MCTP1: variants seen among roughly 807,000 people sequenced by gnomAD.
The protein encoded by MCTP1 is multiple C2 and transmembrane domain-containing protein 1.
In MCTP1, 69 loss-of-function variants were observed where a neutral mutation model predicts 120.6. That is an observed-to-expected ratio of 0.57 (90% CI 0.47 to 0.70). MCTP1 has a LOEUF of 0.70. MCTP1 is among the 30% of genes least tolerant of loss of function. The probability of loss-of-function intolerance (pLI) is 0.00; values close to 1 mark genes in which losing one functional copy is unlikely to be tolerated. For missense variants in MCTP1, 1,203 were observed against 1,248.8 expected, an observed-to-expected ratio of 0.96 and a Z score of 0.55; for synonymous variants, 529 against 493.1, an observed-to-expected ratio of 1.07 and a Z score of -0.96.
intron 1 of MCTP1, among the ~76,000 whole-genome samples, chr5:95,212,233 A>G (rs1318019094): frequency 2.0e-5 from 3 of 152,222 alleles, no homozygotes; most frequent in Admixed American, 6.5e-5. Flanking sequence ...CGAATACTAC[A>G]AACACCTGTA....
At chr5:94,802,908 G>A (rs1319112952) in intron 17 of MCTP1, among the ~76,000 whole-genome samples, 2 of 152,146 alleles carry the variant, frequency 1.3e-5, no homozygotes, top group African/African-American at 4.8e-5. Flanking sequence ...ATGTTACAGT[G>A]CGGTGATAAG....
At chr5:95,206,244 A>G (rs1046294406) in intron 1 of MCTP1, among the ~76,000 whole-genome samples, 2 of 152,200 alleles carry the variant, frequency 1.3e-5, no homozygotes, top group African/African-American at 4.8e-5. Context: ...CCCTGAAAAC[A>G]TCATGCTAAG....
chr5:94,825,129 T>G (rs1289468599), intron 17 of MCTP1, among the ~76,000 whole-genome samples: 2 of 152,218 alleles, frequency 1.3e-5, no homozygotes, highest in Non-Finnish European at 2.9e-5. Context: ...AATTGTGATG[T>G]TAGGGTGTCA....
At chr5:95,192,225 T>C (rs1048670684) in intron 1 of MCTP1, among the ~76,000 whole-genome samples, 1 of 152,036 alleles carries the variant, frequency 6.6e-6, no homozygotes, top group Non-Finnish European at 1.5e-5. Flanking sequence ...AGTAAGTTTT[T>C]TCCAACATGT....
chr5:94,769,903 A>C (rs886620794), intron 19 of MCTP1, among the ~76,000 whole-genome samples: 3 of 152,212 alleles, frequency 2.0e-5, no homozygotes, highest in Non-Finnish European at 2.9e-5. Flanking sequence ...TGTCAACTCT[A>C]CAGATATTCT....
At chr5:95,279,016 A>G (rs1241535751) in intron 1 of MCTP1, among the ~76,000 whole-genome samples, 7 of 152,094 alleles carry the variant, frequency 4.6e-5, no homozygotes, top group Admixed American at 4.6e-4. Context: ...GCCTGCTACG[A>G]TATTATAAAT....
chr5:94,877,225 G>A (rs1799082839), intron 12 of MCTP1, among the ~76,000 whole-genome samples: 1 of 151,944 alleles, frequency 6.6e-6, no homozygotes, highest in South Asian at 2.1e-4. Flanking sequence ...TTACGATGAG[G>A]AATATTTTGC....
intron 2 of MCTP1, among the ~76,000 whole-genome samples, chr5:94,957,331 A>G (rs1435661590): frequency 1.3e-5 from 2 of 152,218 alleles, no homozygotes; most frequent in Non-Finnish European, 2.9e-5. Context: ...TGTAAAGACC[A>G]TTGACAATAT....
At chr5:94,931,308 C>T (rs925698279) in intron 6 of MCTP1, 12 of 152,028 alleles carry the variant, frequency 7.9e-5, no homozygotes, top group Non-Finnish European at 2.9e-5. Flanking sequence ...TGATTTATTT[C>T]AAGGTATATT....
intron 1 of MCTP1, among the ~76,000 whole-genome samples, chr5:95,226,952 C>T (rs1052344721): frequency 6.6e-6 from 1 of 151,952 alleles, no homozygotes; most frequent in Non-Finnish European, 1.5e-5. Context: ...GGATTTTAGG[C>T]CCCTCAAAAA....
At chr5:95,276,192 T>G (rs1004911177) in intron 1 of MCTP1, among the ~76,000 whole-genome samples, 2 of 151,692 alleles carry the variant, frequency 1.3e-5, no homozygotes, top group Admixed American at 1.3e-4. Flanking sequence ...ACACTTGGTA[T>G]TTAAGAGGCA....
intron 1 of MCTP1, among the ~76,000 whole-genome samples, chr5:95,190,239 T>C (rs896630655): frequency 1.3e-5 from 2 of 152,138 alleles, no homozygotes; most frequent in Admixed American, 1.3e-4. Context: ...GAAATTCTGA[T>C]GTCCTGACAC....
chr5:94,857,724 A>C (rs1006106080), intron 17 of MCTP1, among the ~76,000 whole-genome samples: 3 of 151,744 alleles, frequency 2.0e-5, no homozygotes, highest in Admixed American at 6.6e-5. Context: ...CAGATGATTT[A>C]TCTTTCTTCA....
chr5:94,765,488 T>C (rs1402362271), intron 19 of MCTP1, among the ~76,000 whole-genome samples: 1 of 151,938 alleles, frequency 6.6e-6, no homozygotes, highest in Admixed American at 6.6e-5. Context: ...TCACCTGAGG[T>C]CAGGAGTTTG....
chr5:95,086,001 G>C (rs1473480195), intron 1 of MCTP1, among the ~76,000 whole-genome samples: 2 of 151,704 alleles, frequency 1.3e-5, no homozygotes, highest in Non-Finnish European at 2.9e-5. Flanking sequence ...TCACTCTTCT[G>C]TGTATTTTTT....
chr5:94,871,437 A>G lies in MCTP1; in HGVS notation c.2037-20T>C. On this transcript the variant is annotated intron_variant, in intron 13 of 22. Transcript: ENST00000515393. ...ATGTTGCTGCATAATAAATATATGT[A>G]AGAAAAAAAGATTTCATCAGTAGGA... 1 of 1,505,804 alleles carries G rather than the reference A, an allele frequency of 6.6e-7. No individual in the cohort carries two copies. Among genetic ancestry groups the G allele is most frequent in the Non-Finnish European group, 9.2e-7 (1 of 1,083,098 alleles). 93.3% of individuals were successfully genotyped at this position (1,505,804 alleles called of 1,614,324 possible). A position where few individuals can be genotyped will look rare whatever the true frequency, so the allele number is the denominator to read the frequency against.
chr5:94,841,174 G>A (rs1209598321), intron 17 of MCTP1, among the ~76,000 whole-genome samples: 3 of 152,128 alleles, frequency 2.0e-5, no homozygotes, highest in East Asian at 3.8e-4. Flanking sequence ...AGTCCACCCA[G>A]GGAACGGAAA....
At chr5:94,884,690 C>G (rs1029650542) in intron 12 of MCTP1, among the ~76,000 whole-genome samples, 1 of 152,066 alleles carries the variant, frequency 6.6e-6, no homozygotes, top group Non-Finnish European at 1.5e-5. Context: ...AGCCCACAGA[C>G]AGCAAAACAA....
rs1035878679 is a variant in MCTP1 at position 94,953,238 on chromosome 5, C to T, written c.962G>A (p.Arg321Lys). ...GCTCACCTTTATATACAATGGCTCC[C>T]TAAGATGATCAACCAGAATACAAGC... is the stretch of plus-strand genomic sequence containing the variant. ...EKACILVDHLREPLYIKVFDY... is the reference protein window; with the variant it reads ...EKACILVDHLKEPLYIKVFDY... The change falls in exon 3 of 23, where the codon AGG becomes AAG. Residue 321 changes from arginine (R) to lysine (K), a missense_variant. Coordinates refer to ENST00000515393, the MANE Select transcript of MCTP1 (RefSeq NM_024717.7). 2.5e-6 allele frequency: 4 copies of T among 1,612,120 alleles called. No individual in the cohort carries two copies. The highest frequency in any genetic ancestry group is 2.5e-6 in the Non-Finnish European group (3 of 1,179,186).
Sources: gnomAD v4.1 joint callset for allele counts (sites outside exome capture counted in the v4.1 genomes callset) on GRCh38, gnomAD v4.1.1 for gene constraint, MANE v1.5 for transcripts, NCBI Gene and HGNC (gene_info 2026-07-23, HGNC 2026-07-21) for gene names.